DMD: variants seen among roughly 807,000 people sequenced by gnomAD.
DMD encodes the protein mutant dystrophin.
A neutral mutation model predicts 330.1 loss-of-function variants in DMD; 63 were observed. The observed-to-expected ratio is 0.19, with a 90% CI of 0.16 to 0.24. DMD has a LOEUF of 0.24. Ranked by LOEUF, DMD falls within the 10% of genes least tolerant of loss-of-function variation. The pLI is 1.00. For synonymous variants in DMD, 1,223 were observed against 959.8 expected (o/e 1.27, Z -5.07); for missense variants, 3,344 against 2,684.1 (o/e 1.25, Z -5.43).
intron 30 of DMD, among the ~76,000 whole-genome samples, chrX:32,397,062 C>A (rs1313736905): frequency 9.0e-6 from 1 of 111,269 alleles, no homozygotes; most frequent in Non-Finnish European, 1.9e-5. Context: ...TAATCATTTT[C>A]TTTTTTGACA....
chrX:31,627,760 T>C lies in DMD; in HGVS notation c.8130A>G (p.Thr2710=), dbSNP rs1603430185. The C allele has an allele frequency of 8.3e-7, 1 of 1,209,526 alleles. No homozygotes were observed. Among genetic ancestry groups the C allele is most frequent in the Non-Finnish European group, 1.1e-6 (1 of 895,020 alleles). ...TAGCATCCTGTAGGACATTGGCAGT[T>C]GTTTCAGCTTCTGTAAGCCAGGCAA... ...KFLAWLTEAE[T]TANVLQDATR... is the part of the protein sequence containing the mutation. The change falls in exon 55 of 79, where the codon ACA becomes ACG. Residue 2710 remains threonine, a synonymous_variant. Transcript: ENST00000357033.
At chrX:32,105,255 T>C (rs928994326) in intron 44 of DMD, among the ~76,000 whole-genome samples, 2 of 111,691 alleles carry the variant, frequency 1.8e-5, no homozygotes, top group Admixed American at 1.9e-4. Context: ...AGAGAACATA[T>C]GCAAAGATCT....
intron 13 of DMD, among the ~76,000 whole-genome samples, chrX:32,584,935 T>A (rs1313511757): frequency 9.0e-6 from 1 of 111,241 alleles, no homozygotes; most frequent in Non-Finnish European, 1.9e-5. Flanking sequence ...TACCATAAAG[T>A]TTGCATTTTT....
intron 7 of DMD, among the ~76,000 whole-genome samples, chrX:32,761,712 T>C (rs2072319322): frequency 1.8e-5 from 2 of 111,782 alleles, no homozygotes; most frequent in Admixed American, 1.9e-4. Flanking sequence ...CATTGCAGAA[T>C]GTTGCCCCAG....
intron 61 of DMD, among the ~76,000 whole-genome samples, chrX:31,333,546 G>A (rs2057258444): frequency 9.3e-6 from 1 of 107,861 alleles, no homozygotes; most frequent in Admixed American, 1.0e-4. Flanking sequence ...CAGATCTCCT[G>A]GACCAAGTCT....
intron 17 of DMD, among the ~76,000 whole-genome samples, chrX:32,528,705 T>A (rs1324786962): frequency 9.0e-6 from 1 of 111,024 alleles, no homozygotes; most frequent in Admixed American, 9.6e-5. Context: ...TGAAGCCTGC[T>A]AGCTAAAAGC....
chrX:31,790,805 A>G (rs1374430961), intron 50 of DMD, among the ~76,000 whole-genome samples: 1 of 111,669 alleles, frequency 9.0e-6, no homozygotes, highest in Non-Finnish European at 1.9e-5. Flanking sequence ...TTACAATATC[A>G]TGAGCATGCT....
intron 44 of DMD, among the ~76,000 whole-genome samples, chrX:32,204,446 T>C (rs1019789947): frequency 1.8e-5 from 2 of 112,120 alleles, no homozygotes. Context: ...TCTTTCTGTG[T>C]ATATTCTTGT....
intron 49 of DMD, among the ~76,000 whole-genome samples, chrX:31,830,341 TC>T (rs2092994667): frequency 8.9e-6 from 1 of 112,856 alleles, no homozygotes; most frequent in African/African-American, 3.2e-5. Context: ...ACGCCTGTAA[TC>T]CCAGGACTTT....
At chrX:33,036,695 C>A (rs1047853798) in intron 1 of DMD, among the ~76,000 whole-genome samples, 1 of 110,851 alleles carries the variant, frequency 9.0e-6, no homozygotes, top group Admixed American at 9.7e-5. Flanking sequence ...AGGTCTATAA[C>A]GTTGCATTGT....
In DMD at chrX:33,107,950, A is replaced by G. The variant is rs1483121053; in HGVS notation, c.32-87750T>C. On this transcript the variant is annotated intron_variant, in intron 1 of 78. Transcript: ENST00000357033. ...TTTCTACTGATAGATTATGACTTTT[A>G]AAAAATTGGTTTATAATTAAGGAAA... 2.0e-4 allele frequency among the ~76,000 whole-genome samples: 22 copies of G among 111,503 alleles called. No homozygotes were observed. In the Admixed American group the frequency reaches 2.1e-3, roughly 11 times the overall value.
chrX:31,325,832 C>G, intron 61 of DMD, among the ~76,000 whole-genome samples: 1 of 111,500 alleles, frequency 9.0e-6, no homozygotes, highest in East Asian at 2.8e-4. Flanking sequence ...TGGTCCAGCC[C>G]TCACTGGCTG....
chrX:32,324,994 T>C (rs2097643422), intron 41 of DMD, among the ~76,000 whole-genome samples: 1 of 111,497 alleles, frequency 9.0e-6, no homozygotes, highest in Non-Finnish European at 1.9e-5. Flanking sequence ...TCTAAGACTT[T>C]CACAAAGAAT....
chrX:31,715,122 T>C (rs1332575566), intron 52 of DMD, among the ~76,000 whole-genome samples: 1 of 110,185 alleles, frequency 9.1e-6, no homozygotes, highest in Non-Finnish European at 1.9e-5. Flanking sequence ...TTTTAATGAG[T>C]TCTCTGTACC....
At chrX:32,623,643 T>C (rs750546111) in intron 11 of DMD, among the ~76,000 whole-genome samples, 11 of 108,054 alleles carry the variant, frequency 1.0e-4, no homozygotes, top group Non-Finnish European at 2.1e-4. Context: ...TCCTCCTGCC[T>C]CAGCCTCCTG....
intron 52 of DMD, among the ~76,000 whole-genome samples, chrX:31,727,919 A>G (rs1004464528): frequency 8.9e-6 from 1 of 112,863 alleles, no homozygotes; most frequent in African/African-American, 3.2e-5. Context: ...ACAATGATTA[A>G]GGTCATTAAC....
At chrX:32,727,391 A>C (rs2067008581) in intron 7 of DMD, among the ~76,000 whole-genome samples, 1 of 111,154 alleles carries the variant, frequency 9.0e-6, no homozygotes. Context: ...TTGAGTTTAT[A>C]ACAGAGCAGA....
At chrX:32,527,019 G>A (rs2046994104) in intron 17 of DMD, among the ~76,000 whole-genome samples, 1 of 111,992 alleles carries the variant, frequency 8.9e-6, no homozygotes, top group South Asian at 3.7e-4. Flanking sequence ...TAACTAATTT[G>A]ATTAGTGAAC....
At chrX:32,841,883 T>C (rs1569532640) in intron 4 of DMD, among the ~76,000 whole-genome samples, 1 of 111,654 alleles carries the variant, frequency 9.0e-6, no homozygotes, top group African/African-American at 3.3e-5. Context: ...ACCATTGAAG[T>C]GAGTAAAAAG....
Sources: allele counts gnomAD v4.1 joint callset (sites outside exome capture counted in the v4.1 genomes callset), GRCh38; gene constraint gnomAD v4.1.1; transcripts MANE v1.5; gene names NCBI Gene and HGNC (gene_info 2026-07-23, HGNC 2026-07-21).